TNFRSF10D: variants seen among roughly 807,000 people sequenced by gnomAD.
The protein encoded by TNFRSF10D is TNF receptor superfamily member 10d.
Under a neutral mutation model 42.1 loss-of-function variants are expected in TNFRSF10D, and 28 were observed. The observed-to-expected ratio is 0.66, with a 90% CI of 0.49 to 0.91. The LOEUF (loss-of-function observed/expected upper bound fraction) is 0.91, where lower values mean the gene tolerates loss of function less well. Ranked by LOEUF, TNFRSF10D falls within the 40% of genes least tolerant of loss-of-function variation. The probability of loss-of-function intolerance (pLI) is 0.00; values close to 1 mark genes in which losing one functional copy is unlikely to be tolerated. For synonymous variants in TNFRSF10D, 186 were observed against 189.4 expected, an observed-to-expected ratio of 0.98 and a Z score of 0.15; for missense variants, 503 against 486.1, an observed-to-expected ratio of 1.03 and a Z score of -0.33.
intron 2 of TNFRSF10D, among the ~76,000 whole-genome samples, chr8:23,154,166 T>C (rs1194379982): frequency 2.0e-5 from 3 of 152,192 alleles, no homozygotes; most frequent in Non-Finnish European, 4.4e-5. Context: ...TCTTAAAACT[T>C]GATCTCATAG....
intron 1 of TNFRSF10D, among the ~76,000 whole-genome samples, chr8:23,156,292 T>C (rs914235246): frequency 6.6e-6 from 1 of 152,038 alleles, no homozygotes; most frequent in African/African-American, 2.4e-5. Context: ...TTTAATATAA[T>C]CTTGCTCCTG....
chr8:23,151,805 T>A (rs2128838270), intron 2 of TNFRSF10D, among the ~76,000 whole-genome samples: 1 of 152,326 alleles, frequency 6.6e-6, no homozygotes, highest in East Asian at 1.9e-4. Context: ...CCATTTATAA[T>A]AGCTACAAAA....
Position 23,137,795 on chromosome 8 carries a change from T to A in TNFRSF10D, c.*75A>T, listed in dbSNP as rs1814360987. On this transcript the variant is annotated 3_prime_UTR_variant, in exon 9 of 9. Coordinates refer to ENST00000312584, the MANE Select transcript of TNFRSF10D (RefSeq NM_003840.5). ...TTGGGGCATGGGTCAAGTACTGGAC[T>A]GTTTCTTCCAGGCTGCTTCCCTTTG... 1.1e-5 allele frequency: 17 copies of A among 1,552,764 alleles called. No homozygotes were observed. The highest frequency in any genetic ancestry group is 1.4e-5 in the Non-Finnish European group (16 of 1,152,952).
chr8:23,163,886 C>A lies in TNFRSF10D; in HGVS notation c.50G>T (p.Gly17Val), dbSNP rs373857887. The A allele has an allele frequency of 3.1e-6, 5 of 1,595,178 alleles. No homozygotes were observed. The African/African-American group carries it at 6.8e-5, about 22-fold the overall frequency. Residue 17 changes from glycine to valine, a missense_variant, in exon 1 of 9, where the codon GGG (glycine) becomes GTG (valine). Transcript: ENST00000312584. ...CGCTGTCCTGGCTCCTGGATAGCGCCCTGCTCGAGCGCTCGAGGCGGTCGG... is the reference window on the plus strand; with the variant it reads ...CGCTGTCCTGGCTCCTGGATAGCGCACTGCTCGAGCGCTCGAGGCGGTCGG... ...SVPTASSARA[G>V]RYPGARTASG...
chr8:23,163,148 G>A (rs4872069), intron 1 of TNFRSF10D, among the ~76,000 whole-genome samples: 22,347 of 142,826 alleles, frequency 0.16, 2,333 homozygotes, highest in East Asian at 0.56. Flanking sequence ...TGACCAGGCT[G>A]GAGTGCGATG....
intron 4 of TNFRSF10D, among the ~76,000 whole-genome samples, chr8:23,146,424 C>A (rs1335433238): frequency 6.6e-6 from 1 of 152,132 alleles, no homozygotes; most frequent in Non-Finnish European, 1.5e-5. Context: ...AGTGAGAAAT[C>A]GGGGGCCAGG....
At chr8:23,160,359 A>G (rs1210549084) in intron 1 of TNFRSF10D, among the ~76,000 whole-genome samples, 1 of 152,144 alleles carries the variant, frequency 6.6e-6, no homozygotes, top group Non-Finnish European at 1.5e-5. Context: ...GACTCCGAAG[A>G]GCCCTGTGGA....
chr8:23,151,438 C>T (rs1214771910), intron 2 of TNFRSF10D, among the ~76,000 whole-genome samples: 1 of 151,814 alleles, frequency 6.6e-6, no homozygotes, highest in East Asian at 1.9e-4. Context: ...GAACAGAACA[C>T]TAACTGGATA....
chr8:23,143,198 C>A (rs949285311), intron 7 of TNFRSF10D, among the ~76,000 whole-genome samples: 7 of 152,066 alleles, frequency 4.6e-5, no homozygotes, highest in Non-Finnish European at 8.8e-5. Flanking sequence ...GGATGGTCTC[C>A]ATCTCTTGAC....
chr8:23,136,265 G>T lies in TNFRSF10D; in HGVS notation c.*1605C>A, dbSNP rs115000892. ...AATGGAACGTGACACAAGGACAAAT[G>T]TGTCAGCCATTTTAGATCCTGTTGT... On this transcript the variant is annotated 3_prime_UTR_variant, in exon 9 of 9. Coordinates refer to ENST00000312584, the MANE Select transcript of TNFRSF10D (RefSeq NM_003840.5). The T allele has an allele frequency of 5.9e-3, 1,386 of 236,888 alleles. No individual in the cohort carries two copies. Among genetic ancestry groups the T allele is most frequent in the African/African-American group, 0.02 (890 of 43,460 alleles). 14.7% of individuals were successfully genotyped at this position (236,888 alleles called of 1,614,324 possible). A position where few individuals can be genotyped will look rare whatever the true frequency, so the allele number is the denominator to read the frequency against.
intron 1 of TNFRSF10D, among the ~76,000 whole-genome samples, chr8:23,155,514 T>C (rs1800265014): frequency 6.6e-6 from 1 of 151,980 alleles, no homozygotes; most frequent in African/African-American, 2.4e-5. Context: ...GGTCAGGAGA[T>C]TGAGACCATC....
At chr8:23,154,392 A>T (rs148518961) in intron 2 of TNFRSF10D, among the ~76,000 whole-genome samples, 858 of 152,142 alleles carry the variant, frequency 5.6e-3, no homozygotes, top group African/African-American at 0.018. Context: ...CTGCACTTAC[A>T]CAAGTCCCTG....
At chr8:23,148,066 C>A (rs865905777) in intron 3 of TNFRSF10D, among the ~76,000 whole-genome samples, 19,447 of 49,584 alleles carry the variant, frequency 0.39, 3,640 homozygotes, top group Non-Finnish European at 0.47. Context: ...CTCCGTCTCC[C>A]AAAAAAAAAA....
intron 7 of TNFRSF10D, among the ~76,000 whole-genome samples, chr8:23,141,793 C>T (rs553888803): frequency 3.6e-3 from 546 of 151,144 alleles, no homozygotes; most frequent in African/African-American, 0.011. Flanking sequence ...GTGAGAATGG[C>T]GATTATTAAA....
In TNFRSF10D at chr8:23,144,573, G is replaced by T; in HGVS notation, c.831C>A (p.Asn277Lys). Reference sequence around the variant, plus strand: ...GCAAGTATCTGTTACTCAGGGTCTCGTTGCGGGCATTGTCCTCCGCCCCAG... The same window carrying T: ...GCAAGTATCTGTTACTCAGGGTCTCTTTGCGGGCATTGTCCTCCGCCCCAG... The part of the protein sequence containing the change: ...RVPGAEDNAR[N>K]ETLSNRYLQP... The change falls in exon 7 of 9, where the codon AAC becomes AAA. Residue 277 changes from asparagine (N) to lysine (K), a missense_variant. Coordinates refer to ENST00000312584, the MANE Select transcript of TNFRSF10D (RefSeq NM_003840.5). 6.2e-7 allele frequency: 1 copy of T among 1,614,188 alleles called. No individual in the cohort carries two copies. The highest frequency in any genetic ancestry group is 1.1e-5 in the South Asian group (1 of 91,090).
intron 2 of TNFRSF10D, among the ~76,000 whole-genome samples, chr8:23,149,373 G>A (rs1221856087): frequency 6.6e-6 from 1 of 151,280 alleles, no homozygotes; most frequent in Non-Finnish European, 1.5e-5. Context: ...GAGTAGCTGG[G>A]ATTACAGGCA....
At chr8:23,140,168 A>G (rs563985424) in intron 7 of TNFRSF10D, among the ~76,000 whole-genome samples, 8 of 152,154 alleles carry the variant, frequency 5.3e-5, no homozygotes, top group African/African-American at 1.7e-4. Flanking sequence ...GTGCGCCTGT[A>G]ATCCCAGCTG....
chr8:23,145,516 A>G, intron 5 of TNFRSF10D, 152 bp downstream of exon 5: 1 of 1,175,636 alleles, frequency 8.5e-7, no homozygotes, highest in Non-Finnish European at 1.2e-6. Flanking sequence ...GATACACAGG[A>G]CGTGGGGATG....
At chr8:23,142,263 T>C (rs1800037186) in intron 7 of TNFRSF10D, among the ~76,000 whole-genome samples, 1 of 136,502 alleles carries the variant, frequency 7.3e-6, no homozygotes, top group Admixed American at 7.9e-5. Flanking sequence ...AGAGCGAGAC[T>C]CCCTCTCAAA....
Sources: gnomAD v4.1 joint callset for allele counts (sites outside exome capture counted in the v4.1 genomes callset) on GRCh38, gnomAD v4.1.1 for gene constraint, MANE v1.5 for transcripts, NCBI Gene and HGNC (gene_info 2026-07-23, HGNC 2026-07-21) for gene names.